Variants in STON2 observed in about 807,000 individuals in gnomAD.
STON2 encodes stonin 2.
A neutral mutation model predicts 65.7 loss-of-function variants in STON2; 29 were observed. The observed-to-expected ratio is 0.44, with a 90% CI of 0.33 to 0.60. The LOEUF is 0.60. Ranked by LOEUF, STON2 falls within the 20% of genes least tolerant of loss-of-function variation. The pLI is 0.03. For synonymous variants in STON2, 404 were observed against 414.2 expected, an observed-to-expected ratio of 0.98 and a Z score of 0.30; for missense variants, 1,054 against 1,118.1, an observed-to-expected ratio of 0.94 and a Z score of 0.82.
chr14:81,342,771 G>T (rs370205262), intron 4 of STON2, among the ~76,000 whole-genome samples: 3 of 152,156 alleles, frequency 2.0e-5, no homozygotes, highest in East Asian at 3.9e-4. Context: ...GTCTAGAAGG[G>T]GGGGCATGGG....
intron 2 of STON2, among the ~76,000 whole-genome samples, chr14:81,414,542 C>T (rs765846121): frequency 2.6e-5 from 4 of 151,934 alleles, no homozygotes; most frequent in African/African-American, 4.8e-5. Context: ...AGGTCCTGGA[C>T]CAAGCAGCCC....
intron 4 of STON2, among the ~76,000 whole-genome samples, chr14:81,335,001 C>T (rs1235934068): frequency 4.7e-5 from 6 of 127,018 alleles, no homozygotes; most frequent in Non-Finnish European, 9.9e-5. Context: ...CCACGCCTGG[C>T]TAATTTTTTT....
intron 3 of STON2, among the ~76,000 whole-genome samples, chr14:81,380,543 T>C (rs891438257): frequency 1.3e-5 from 2 of 152,170 alleles, no homozygotes; most frequent in Admixed American, 1.3e-4. Context: ...TGCAGCACTA[T>C]TCACAATACC....
intron 2 of STON2, among the ~76,000 whole-genome samples, chr14:81,408,727 G>A (rs1030340529): frequency 4.6e-5 from 7 of 152,188 alleles, no homozygotes; most frequent in African/African-American, 1.7e-4. Flanking sequence ...CACATTCAGA[G>A]TCAAGAATCT....
intron 4 of STON2, among the ~76,000 whole-genome samples, chr14:81,353,739 A>C (rs1198399402): frequency 6.6e-6 from 1 of 152,158 alleles, no homozygotes; most frequent in Non-Finnish European, 1.5e-5. Context: ...CTCCACCAAG[A>C]CCTGTGTCCA....
At chr14:81,411,582 C>T (rs1487637961) in intron 2 of STON2, among the ~76,000 whole-genome samples, 1 of 152,218 alleles carries the variant, frequency 6.6e-6, no homozygotes, top group East Asian at 1.9e-4. Context: ...TGGCGCATGC[C>T]TGTAATCCTG....
At chr14:81,270,528 G>A (rs1043430735) in intron 7 of STON2, 142 bp downstream of exon 7, 2 of 1,568,868 alleles carry the variant, frequency 1.3e-6, no homozygotes, top group African/African-American at 2.7e-5. Flanking sequence ...CGCACCCACA[G>A]CTATGTATGG....
chr14:81,350,482 GA>G (rs11372023), intron 4 of STON2, among the ~76,000 whole-genome samples: 59 of 138,966 alleles, frequency 4.2e-4, no homozygotes, highest in Middle Eastern at 3.6e-3. Flanking sequence ...TTCAGAAGAA[GA>G]AAAAAAAAAA....
At chr14:81,353,623 C>T (rs370045850) in intron 4 of STON2, among the ~76,000 whole-genome samples, 17 of 152,184 alleles carry the variant, frequency 1.1e-4, no homozygotes, top group African/African-American at 3.6e-4. Context: ...AGAGGATTTC[C>T]GCTTGGGACC....
intron 5 of STON2, among the ~76,000 whole-genome samples, chr14:81,309,255 T>C (rs146494930): frequency 1.3e-5 from 2 of 152,224 alleles, no homozygotes; most frequent in African/African-American, 4.8e-5. Flanking sequence ...GTTATTGTTA[T>C]TATTGGCTTT....
At chr14:81,423,859 C>G (rs1901835341) in intron 2 of STON2, among the ~76,000 whole-genome samples, 1 of 152,194 alleles carries the variant, frequency 6.6e-6, no homozygotes, top group Non-Finnish European at 1.5e-5. Context: ...CTGCCAGGGA[C>G]AGCCACAAGG....
At chr14:81,423,652 G>A (rs1056443860) in intron 2 of STON2, among the ~76,000 whole-genome samples, 3 of 152,128 alleles carry the variant, frequency 2.0e-5, no homozygotes, top group Non-Finnish European at 2.9e-5. Context: ...CAAAACAGAC[G>A]CATGGGCATA....
At chr14:81,309,683 G>A (rs1050691991) in intron 5 of STON2, among the ~76,000 whole-genome samples, 2 of 152,134 alleles carry the variant, frequency 1.3e-5, no homozygotes, top group South Asian at 2.1e-4. Context: ...TGTATCTAAG[G>A]GACAGGGTTT....
At chr14:81,369,117 C>T (rs1472304148) in intron 4 of STON2, among the ~76,000 whole-genome samples, 2 of 152,132 alleles carry the variant, frequency 1.3e-5, no homozygotes, top group East Asian at 3.9e-4. Flanking sequence ...TCCTTTCTGT[C>T]GCCATAGCTC....
intron 1 of STON2, among the ~76,000 whole-genome samples, chr14:81,431,042 A>G (rs574312673): frequency 2.1e-3 from 327 of 152,310 alleles, no homozygotes; most frequent in Non-Finnish European, 3.9e-3. Flanking sequence ...GAATAGATCA[A>G]GTGAAGGCAG....
chr14:81,388,302 A>T (rs1470837128), intron 3 of STON2, among the ~76,000 whole-genome samples: 1 of 151,948 alleles, frequency 6.6e-6, no homozygotes, highest in African/African-American at 2.4e-5. Flanking sequence ...TTCCCTGGCC[A>T]ACCGTGATGG....
At chr14:81,418,833 TTAGG>T (rs1901566824) in intron 2 of STON2, among the ~76,000 whole-genome samples, 1 of 152,208 alleles carries the variant, frequency 6.6e-6, no homozygotes, top group African/African-American at 2.4e-5. Flanking sequence ...GGAAATACAC[TTAGG>T]TAGTCTCAAG....
At chr14:81,413,944 T>G (rs1013134939) in intron 2 of STON2, among the ~76,000 whole-genome samples, 2 of 139,816 alleles carry the variant, frequency 1.4e-5, no homozygotes, top group Non-Finnish European at 3.0e-5. Context: ...TTAGCAACAT[T>G]GAGAATAAAG....
At chr14:81,342,945 A>C (rs1030517411) in intron 4 of STON2, among the ~76,000 whole-genome samples, 1 of 152,188 alleles carries the variant, frequency 6.6e-6, no homozygotes, top group African/African-American at 2.4e-5. Context: ...CACTGGCCCC[A>C]ACACAAGTCA....
Sources: gnomAD v4.1 joint callset for allele counts (sites outside exome capture counted in the v4.1 genomes callset) on GRCh38, gnomAD v4.1.1 for gene constraint, MANE v1.5 for transcripts, NCBI Gene and HGNC (gene_info 2026-07-23, HGNC 2026-07-21) for gene names.